NFE2: variants seen among roughly 807,000 people sequenced by gnomAD.
The protein encoded by NFE2 is nuclear factor, erythroid 2, also known as transcription factor NF-E2 45 kDa subunit.
Under a neutral mutation model 25.8 loss-of-function variants are expected in NFE2, and 13 were observed. That is an observed-to-expected ratio of 0.50 (90% CI 0.33 to 0.80). The LOEUF (loss-of-function observed/expected upper bound fraction) is 0.80, where lower values mean the gene tolerates loss of function less well. Among genes scored for constraint, NFE2 ranks in the 30% least tolerant of loss-of-function variants. The pLI, the probability that NFE2 is intolerant of heterozygous loss-of-function variation, is 0.02. For missense variants in NFE2, 382 were observed against 478.9 expected, an observed-to-expected ratio of 0.80 and a Z score of 1.89; for synonymous variants, 204 against 200.2, an observed-to-expected ratio of 1.02 and a Z score of -0.16.
Position 54,292,209 on chromosome 12 carries a change from G to A in NFE2, c.*165C>T, listed in dbSNP as rs1158224873. ...AGACAGATTCCAGCCCTCCCTCAAG[G>A]CAAGCCTCTTTGAACACACCTTGGA... On this transcript the variant is annotated 3_prime_UTR_variant, in exon 3 of 3. Coordinates refer to ENST00000435572, the MANE Select transcript of NFE2 (RefSeq NM_001136023.3). 2.8e-6 allele frequency: 2 copies of A among 703,250 alleles called. No individual in the cohort carries two copies. Among genetic ancestry groups the A allele is most frequent in the African/African-American group, 1.8e-5 (1 of 55,766 alleles). 43.6% of individuals were successfully genotyped at this position (703,250 alleles called of 1,614,324 possible).
chr12:54,299,830 G>C (rs1479869202), intron 1 of NFE2, among the ~76,000 whole-genome samples: 1 of 152,118 alleles, frequency 6.6e-6, no homozygotes, highest in Admixed American at 6.6e-5. Flanking sequence ...AATAGGTGCA[G>C]TGAAAGGATG....
intron 1 of NFE2, among the ~76,000 whole-genome samples, chr12:54,296,762 C>T (rs2137059065): frequency 6.6e-6 from 1 of 152,296 alleles, no homozygotes; most frequent in South Asian, 2.1e-4. Context: ...CAAGCCATCT[C>T]ACTTCTCTGG....
At position 54,292,134 on chromosome 12, in the gene NFE2, C is replaced by A; in HGVS notation, c.*240G>T. ...CATTTCTGTAGCGCACTTTATAGAC[C>A]AAAGCTTAGACAAGGTGGAGGCTAA... On this transcript the variant is annotated 3_prime_UTR_variant, in exon 3 of 3. Coordinates refer to ENST00000435572, the MANE Select transcript of NFE2 (RefSeq NM_001136023.3). The A allele has an allele frequency of 1.8e-6, 1 of 544,290 alleles. No homozygotes were observed. Among genetic ancestry groups the A allele is most frequent in the Non-Finnish European group, 3.3e-6 (1 of 305,356 alleles). The allele number at this position is 544,290 out of a possible 1,614,324, so 33.7% of individuals were successfully genotyped here.
chr12:54,300,777 AC>A (rs1944417364), intron 1 of NFE2, 23 bp downstream of exon 1: 1 of 57,768 alleles, frequency 1.7e-5, no homozygotes, highest in Admixed American at 1.8e-4. Context: ...CGCCCCCCCC[AC>A]ACACACCCTG....
Position 54,292,837 on chromosome 12 carries a change from C to A in NFE2, c.659G>T (p.Gly220Val), listed in dbSNP as rs772353922. 5 of 1,614,084 alleles carry A rather than the reference C, an allele frequency of 3.1e-6. No individual in the cohort carries two copies. Among genetic ancestry groups the A allele is most frequent in the Non-Finnish European group, 4.2e-6 (5 of 1,180,028 alleles). Residue 220 changes from glycine to valine, a missense_variant, in exon 3 of 3, where the codon GGG (glycine) becomes GTG (valine). Transcript: ENST00000435572. ...GPVRAKPTAR[G>V]EAGSRDERRA... ...ACGTTCATCCCGACTCCCTGCCTCC[C>A]CCCGTGCAGTGGGCTTAGCCCGCAC...
chr12:54,292,472 C>T lies in NFE2; in HGVS notation c.1024G>A (p.Gly342Ser). 1 of 1,614,152 alleles carries T rather than the reference C, an allele frequency of 6.2e-7. No homozygotes were observed. Among genetic ancestry groups the T allele is most frequent in the South Asian group, 1.1e-5 (1 of 91,082 alleles). Residue 342 changes from glycine to serine, a missense_variant, in exon 3 of 3, where the codon GGC becomes AGC. Transcript: ENST00000435572. The stretch of plus-strand genomic sequence containing the variant: ...TACTCTTCAGGAGAGTAGCTGTTGC[C>T]TGATTCATCCCGAAGGTGCTGGAAA... ...DIFQHLRDES[G>S]NSYSPEEYAL... is the part of the protein sequence containing the mutation.
At chr12:54,296,732 A>G (rs1353387290) in intron 1 of NFE2, among the ~76,000 whole-genome samples, 1 of 152,134 alleles carries the variant, frequency 6.6e-6, no homozygotes, top group Non-Finnish European at 1.5e-5. Flanking sequence ...TCTGCCACAA[A>G]GCAGCAGTGT....
At chr12:54,299,863 G>A (rs961421954) in intron 1 of NFE2, among the ~76,000 whole-genome samples, 1 of 151,996 alleles carries the variant, frequency 6.6e-6, no homozygotes, top group Non-Finnish European at 1.5e-5. Context: ...TAAAACTTGG[G>A]GTATTGGTTA....
At position 54,292,484 on chromosome 12, in the gene NFE2, G is replaced by A; in HGVS notation, c.1012C>T (p.Arg338Trp). 2 of 1,614,168 alleles carry A rather than the reference G, an allele frequency of 1.2e-6. No homozygotes were observed. Among genetic ancestry groups the A allele is most frequent in the South Asian group, 1.1e-5 (1 of 91,086 alleles). Residue 338 changes from arginine (R) to tryptophan (W), a missense_variant, in exon 3 of 3, where the codon CGG becomes TGG. Arg to Trp is a moderately radical substitution (Grantham distance 101). Transcript: ENST00000435572. ...GAGTAGCTGTTGCCTGATTCATCCC[G>A]AAGGTGCTGGAAAATGTCACGGTAC... ...ELYRDIFQHL[R>W]DESGNSYSPE... is the part of the protein sequence containing the mutation.
intron 1 of NFE2, chr12:54,298,002 C>T (rs999162567): frequency 6.6e-6 from 1 of 152,182 alleles, no homozygotes; most frequent in African/African-American, 2.4e-5. Flanking sequence ...GAACCCCACC[C>T]TCCTCCACCC....
Position 54,293,785 on chromosome 12 carries a change from G to A in NFE2, c.115-404C>T, listed in dbSNP as rs1393924466. Among the ~76,000 whole-genome samples, 3 of 151,746 alleles carry A rather than the reference G, an allele frequency of 2.0e-5. 1 individual carries two copies. The highest frequency in any genetic ancestry group is 2.0e-4 in the Admixed American group (3 of 15,224). On this transcript the variant is annotated intron_variant, in intron 2 of 2. Transcript: ENST00000435572. ...AACTGCTTGAACCCCGGAGGTGGAG[G>A]TTGAAGTGAGCCAAGATAGTGCCAC...
chr12:54,298,507 CAAAAAAA>C (rs1180692795), intron 1 of NFE2, among the ~76,000 whole-genome samples: 2 of 35,614 alleles, frequency 5.6e-5, no homozygotes, highest in Middle Eastern at 0.015. Flanking sequence ...AACTCCACAT[CAAAAAAA>C]AAAAAAAAAA....
chr12:54,295,332 G>A (rs1378737589), intron 1 of NFE2, 28 bp from the exon 2 acceptor site: 21 of 1,070,442 alleles, frequency 2.0e-5, no homozygotes, highest in Middle Eastern at 4.1e-4. Flanking sequence ...AGGTGTTAGA[G>A]CTACACCTGC....
At chr12:54,297,277 C>A (rs1317808858) in intron 1 of NFE2, among the ~76,000 whole-genome samples, 5 of 142,168 alleles carry the variant, frequency 3.5e-5, no homozygotes, top group Admixed American at 7.1e-5. Context: ...ATCACTTGAA[C>A]CTGAAAGGTC....
In NFE2 at chr12:54,292,658, C is replaced by T; in HGVS notation, c.838G>A (p.Ala280Thr). 1 of 1,614,238 alleles carries T rather than the reference C, an allele frequency of 6.2e-7. No homozygotes were observed. The highest frequency in any genetic ancestry group is 8.5e-7 in the Non-Finnish European group (1 of 1,180,042). Residue 280 changes from alanine to threonine, a missense_variant, in exon 3 of 3, where the codon GCC (alanine) becomes ACC (threonine). Physicochemically the swap from Ala to Thr is moderately conservative, Grantham distance 58. Coordinates refer to ENST00000435572, the MANE Select transcript of NFE2 (RefSeq NM_001136023.3). ...IRRRGKNKVA[A>T]QNCRKRKLET... The stretch of plus-strand genomic sequence containing the variant: ...AGCTTCCTCTTGCGGCAGTTCTGGG[C>T]TGCCACCTTGTTTTTGCCCCGTCGT...
intron 1 of NFE2, chr12:54,295,528 C>A: frequency 3.0e-6 from 1 of 330,098 alleles, no homozygotes. Flanking sequence ...CCTTTGGTAG[C>A]ACAGGAGGTC....
chr12:54,300,551 C>T (rs1481151479), intron 1 of NFE2, among the ~76,000 whole-genome samples: 1 of 152,088 alleles, frequency 6.6e-6, no homozygotes, highest in Non-Finnish European at 1.5e-5. Context: ...CCTCTGGAGA[C>T]CCCTCTCTGA....
At position 54,293,599 on chromosome 12, in the gene NFE2, C is replaced by A. The variant is rs908841856; in HGVS notation, c.115-218G>T. On this transcript the variant is annotated intron_variant, in intron 2 of 2. Coordinates refer to ENST00000435572, the MANE Select transcript of NFE2 (RefSeq NM_001136023.3). The stretch of plus-strand genomic sequence containing the variant: ...GAATGGTGGCTCACACCTATAATCC[C>A]AACACTATGGGAGGCCAAGGCGGCA... 1.4e-4 allele frequency among the ~76,000 whole-genome samples: 21 copies of A among 152,288 alleles called. No homozygotes were observed. The East Asian group carries it at 4.0e-3, about 29-fold the overall frequency.
chr12:54,298,414 G>A (rs1242107703), intron 1 of NFE2, among the ~76,000 whole-genome samples: 1 of 151,302 alleles, frequency 6.6e-6, no homozygotes, highest in Admixed American at 6.6e-5. Flanking sequence ...GGATGAGGTG[G>A]GAGAATCGCT....
Sources: gnomAD v4.1 joint callset for allele counts (sites outside exome capture counted in the v4.1 genomes callset) on GRCh38, gnomAD v4.1.1 for gene constraint, MANE v1.5 for transcripts, NCBI Gene and HGNC (gene_info 2026-07-23, HGNC 2026-07-21) for gene names.